CACNA2D1: variants seen among roughly 807,000 people sequenced by gnomAD.
CACNA2D1 encodes the protein calcium voltage-gated channel auxiliary subunit alpha2delta 1, also known as voltage-dependent calcium channel subunit alpha-2/delta-1.
Under a neutral mutation model 171.5 loss-of-function variants are expected in CACNA2D1, and 53 were observed. The observed-to-expected ratio is 0.31, with a 90% CI of 0.25 to 0.39. The LOEUF is 0.39. Ranked by LOEUF, CACNA2D1 falls within the 10% of genes least tolerant of loss-of-function variation. The pLI, the probability that CACNA2D1 is intolerant of heterozygous loss-of-function variation, is 1.00. For missense variants in CACNA2D1, 903 were observed against 1,299.8 expected (o/e 0.69, Z 4.69); for synonymous variants, 442 against 443.1 (o/e 1.00, Z 0.03).
intron 34 of CACNA2D1, among the ~76,000 whole-genome samples, chr7:81,963,401 T>C (rs1047035692): frequency 6.6e-6 from 1 of 151,812 alleles, no homozygotes; most frequent in Non-Finnish European, 1.5e-5. Context: ...AGATCATGGA[T>C]TCCAGACGTA....
At chr7:82,002,672 T>C (rs555870357) in intron 18 of CACNA2D1, among the ~76,000 whole-genome samples, 1 of 152,292 alleles carries the variant, frequency 6.6e-6, no homozygotes, top group Non-Finnish European at 1.5e-5. Context: ...AGACCTAACC[T>C]GGCTACTTCA....
At chr7:82,159,973 T>G (rs1016350549) in intron 4 of CACNA2D1, among the ~76,000 whole-genome samples, 5 of 150,722 alleles carry the variant, frequency 3.3e-5, no homozygotes, top group Admixed American at 2.7e-4. Context: ...GAAATAAAAT[T>G]AAAACTTTAA....
At position 81,959,843 on chromosome 7, in the gene CACNA2D1, A is replaced by G; in HGVS notation, c.2967-14T>C. On this transcript the variant is annotated splice_polypyrimidine_tract_variant and intron_variant, in intron 36 of 38. Transcript: ENST00000356860. ...CCATGAAAGATTCTGCAAAATAAAT[A>G]TGGTATCATAGAAAATGAGTATCTT... 6.2e-7 allele frequency: 1 copy of G among 1,609,482 alleles called. No homozygotes were observed.
chr7:82,061,050 G>A (rs1806844796), intron 9 of CACNA2D1, among the ~76,000 whole-genome samples: 1 of 151,872 alleles, frequency 6.6e-6, no homozygotes, highest in Non-Finnish European at 1.5e-5. Context: ...ACAATACTTG[G>A]TGACTTCACC....
chr7:82,188,240 G>GA (rs1168564755), intron 3 of CACNA2D1, among the ~76,000 whole-genome samples: 1 of 151,694 alleles, frequency 6.6e-6, no homozygotes, highest in African/African-American at 2.4e-5. Context: ...TTTAATCAGA[G>GA]AAAAATATCA....
intron 1 of CACNA2D1, among the ~76,000 whole-genome samples, chr7:82,422,930 G>T (rs1009792108): frequency 6.6e-5 from 10 of 151,856 alleles, no homozygotes; most frequent in African/African-American, 2.4e-4. Context: ...AGTGTGCACA[G>T]ATGCCTGGAA....
chr7:82,087,610 C>T (rs1337523377), intron 6 of CACNA2D1, among the ~76,000 whole-genome samples: 1 of 149,200 alleles, frequency 6.7e-6, no homozygotes, highest in African/African-American at 2.5e-5. Context: ...TCAAAGCCAA[C>T]AAGGAAGAAT....
At chr7:82,381,004 A>G (rs1244071484) in intron 1 of CACNA2D1, among the ~76,000 whole-genome samples, 2 of 151,764 alleles carry the variant, frequency 1.3e-5, no homozygotes, top group Non-Finnish European at 2.9e-5. Flanking sequence ...CACATTTATT[A>G]TTAATGTGTA....
intron 6 of CACNA2D1, among the ~76,000 whole-genome samples, chr7:82,092,540 C>CTTTT (rs71093360): frequency 9.7e-5 from 10 of 102,682 alleles, no homozygotes; most frequent in Admixed American, 2.2e-4. Flanking sequence ...GCCCAGCTAA[C>CTTTT]TTTTTTTTTT....
intron 3 of CACNA2D1, among the ~76,000 whole-genome samples, chr7:82,323,449 T>C (rs1816249197): frequency 6.6e-6 from 1 of 152,202 alleles, no homozygotes; most frequent in Non-Finnish European, 1.5e-5. Flanking sequence ...GTTCTAGCTC[T>C]ACCACTAACG....
At chr7:82,174,655 G>A (rs1796380128) in intron 3 of CACNA2D1, among the ~76,000 whole-genome samples, 1 of 151,734 alleles carries the variant, frequency 6.6e-6, no homozygotes. Flanking sequence ...CAAAACACTA[G>A]AATTCAATTT....
chr7:82,433,911 G>C (rs1829913590), intron 1 of CACNA2D1, among the ~76,000 whole-genome samples: 1 of 152,136 alleles, frequency 6.6e-6, no homozygotes, highest in Admixed American at 6.5e-5. Context: ...CCCATCTCCT[G>C]GTCACAATTA....
At chr7:82,363,421 C>A (rs1821315404) in intron 1 of CACNA2D1, among the ~76,000 whole-genome samples, 1 of 151,908 alleles carries the variant, frequency 6.6e-6, no homozygotes, top group Non-Finnish European at 1.5e-5. Flanking sequence ...CCTGCCACCA[C>A]TTCCGGCTAA....
intron 1 of CACNA2D1, among the ~76,000 whole-genome samples, chr7:82,389,377 C>A (rs1824824163): frequency 6.6e-6 from 1 of 151,894 alleles, no homozygotes; most frequent in African/African-American, 2.4e-5. Context: ...TTTGAATGTT[C>A]ATGTTGATAG....
intron 3 of CACNA2D1, among the ~76,000 whole-genome samples, chr7:82,200,468 G>A (rs1237858817): frequency 6.6e-6 from 1 of 151,884 alleles, no homozygotes; most frequent in Non-Finnish European, 1.5e-5. Flanking sequence ...TCTTAAAAAA[G>A]AATAAATATA....
At chr7:82,060,556 G>C (rs1019228257) in intron 9 of CACNA2D1, 29 bp from the exon 10 acceptor site, 1 of 1,270,072 alleles carries the variant, frequency 7.9e-7, no homozygotes, top group Non-Finnish European at 1.1e-6. Flanking sequence ...GTCCATACAT[G>C]TTACTCATCA....
At chr7:82,169,152 A>T (rs1487714990) in intron 4 of CACNA2D1, among the ~76,000 whole-genome samples, 1 of 152,038 alleles carries the variant, frequency 6.6e-6, no homozygotes, top group Non-Finnish European at 1.5e-5. Context: ...AACAAAAAAA[A>T]TCGTTTTTAT....
rs1315995305 is a variant in CACNA2D1, at chr7:81,965,661, A to G, written c.2507T>C (p.Met836Thr). The G allele has an allele frequency of 3.2e-6, 5 of 1,580,476 alleles. No homozygotes were observed. The highest frequency in any genetic ancestry group is 8.7e-7 in the Non-Finnish European group (1 of 1,150,368). The change falls in exon 32 of 39, where the codon ATG (methionine) becomes ACG (threonine). Residue 836 changes from methionine to threonine, a missense_variant. By Grantham distance (81) the Met-to-Thr change is moderately conservative (BLOSUM62 -1). Around this residue, in one of 5 missense-constraint regions of CACNA2D1, gnomAD observed 623 missense variants for 925.5 expected, o/e 0.67. Coordinates refer to ENST00000356860, the MANE Select transcript of CACNA2D1 (RefSeq NM_000722.4). ...VCDCKRNSDV[M>T]DCVILDDGGF... ...ACCATCATCCAGAATCACACAATCC[A>G]TTACCTATCAAAATAAAGTGAACAG...
At chr7:82,291,120 T>C (rs186189787) in intron 3 of CACNA2D1, among the ~76,000 whole-genome samples, 2 of 126,910 alleles carry the variant, frequency 1.6e-5, no homozygotes, top group Non-Finnish European at 3.5e-5. Context: ...CCCTACTATC[T>C]GGGACTACAA....
Sources: gnomAD v4.1 joint callset for allele counts (sites outside exome capture counted in the v4.1 genomes callset) on GRCh38, gnomAD v4.1.1 for gene constraint, gnomAD v4.1.1 regional missense constraint, MANE v1.5 for transcripts, NCBI Gene and HGNC (gene_info 2026-07-23, HGNC 2026-07-21) for gene names.